Variants in TRPM4 observed in about 807,000 individuals in gnomAD.
TRPM4 encodes the protein calcium-activated non-selective cation channel 1.
A neutral mutation model predicts 135.6 loss-of-function variants in TRPM4; 124 were observed. The ratio of observed to expected loss-of-function variants is 0.91; its 90% CI spans 0.79 to 1.06. The LOEUF (loss-of-function observed/expected upper bound fraction) is 1.06. Among genes scored for constraint, TRPM4 ranks in the 50% least tolerant of loss-of-function variants. TRPM4 has a pLI of 0.00. For missense variants in TRPM4, 1,658 were observed against 1,671.4 expected, an observed-to-expected ratio of 0.99 and a Z score of 0.14; for synonymous variants, 745 against 705.6, an observed-to-expected ratio of 1.06 and a Z score of -0.88.
chr19:49,168,254 G>A lies in TRPM4; in HGVS notation c.449-6G>A. 6.2e-7 allele frequency: 1 copy of A among 1,614,132 alleles called. No individual in the cohort carries two copies. Among genetic ancestry groups the A allele is most frequent in the Non-Finnish European group, 8.5e-7 (1 of 1,180,040 alleles). On this transcript the variant is annotated splice_polypyrimidine_tract_variant and splice_region_variant and intron_variant, in intron 4 of 24. Coordinates refer to ENST00000252826, the MANE Select transcript of TRPM4 (RefSeq NM_017636.4). ...TGCCTCTGCATGTTCCTCGGCGTCT[G>A]TGTAGGAGCCTGGATTGTCACTGGG...
chr19:49,199,012 A>T (rs1420963088), intron 17 of TRPM4, among the ~76,000 whole-genome samples: 1 of 151,896 alleles, frequency 6.6e-6, no homozygotes, highest in East Asian at 1.9e-4. Flanking sequence ...AAGTAGCTTC[A>T]CTCATTTCCA....
intron 9 of TRPM4, among the ~76,000 whole-genome samples, chr19:49,175,652 T>G (rs1221269916): frequency 6.7e-6 from 1 of 148,890 alleles, no homozygotes; most frequent in Non-Finnish European, 1.5e-5. Flanking sequence ...TTTTAATTAT[T>G]TCTTTCTTTT....
intron 20 of TRPM4, among the ~76,000 whole-genome samples, chr19:49,202,660 C>T (rs1968978524): frequency 6.6e-6 from 1 of 151,768 alleles, no homozygotes; most frequent in Non-Finnish European, 1.5e-5. Flanking sequence ...GGCAAGTTCT[C>T]AGCTCACTGC....
At chr19:49,168,815 C>A in intron 6 of TRPM4, 79 bp downstream of exon 6, 1 of 1,456,112 alleles carries the variant, frequency 6.9e-7, no homozygotes, top group Non-Finnish European at 9.4e-7. Context: ...GTAGTTTGGT[C>A]TGGTCGAGAT....
intron 9 of TRPM4, among the ~76,000 whole-genome samples, chr19:49,172,446 C>A (rs1431807848): frequency 6.6e-6 from 1 of 152,192 alleles, no homozygotes. Context: ...ACCTGTCCAT[C>A]CACACATCCA....
chr19:49,198,646 C>T (rs75955495), intron 17 of TRPM4, among the ~76,000 whole-genome samples: 1 of 72,722 alleles, frequency 1.4e-5, no homozygotes, highest in Non-Finnish European at 2.7e-5. Flanking sequence ...AAAACTCTGT[C>T]AAAAAAAAAA....
chr19:49,180,939 A>G (rs1418123188), intron 9 of TRPM4, among the ~76,000 whole-genome samples: 1 of 151,740 alleles, frequency 6.6e-6, no homozygotes, highest in East Asian at 1.9e-4. Flanking sequence ...TCCTAATCAT[A>G]TTATATGCCT....
At chr19:49,190,581 C>T in intron 15 of TRPM4, 115 bp from the exon 16 acceptor site, 1 of 1,130,050 alleles carries the variant, frequency 8.8e-7, no homozygotes, top group Non-Finnish European at 1.3e-6. Context: ...CTTTAGGAGA[C>T]CACCTCTCTG....
chr19:49,211,398 C>G lies in TRPM4; in HGVS notation c.3641-96C>G, dbSNP rs367863218. On this transcript the variant is annotated intron_variant, in intron 24 of 24. Coordinates refer to ENST00000252826, the MANE Select transcript of TRPM4 (RefSeq NM_017636.4). The surrounding 1 kb of genome is among the most constrained non-coding windows in gnomAD (Gnocchi z 4.8). Reference sequence around the variant, plus strand: ...GTCTCCTTTGAGCCTTTTGTACTCTCGCCTTCGTCTTTCTTCTTTTTTGCC... The same window carrying G: ...GTCTCCTTTGAGCCTTTTGTACTCTGGCCTTCGTCTTTCTTCTTTTTTGCC... 1.3e-6 allele frequency: 2 copies of G among 1,599,814 alleles called. No homozygotes were observed. Among genetic ancestry groups the G allele is most frequent in the Non-Finnish European group, 1.7e-6 (2 of 1,170,284 alleles).
intron 3 of TRPM4, 90 bp downstream of exon 3, chr19:49,166,305 C>T (rs1401156789): frequency 1.5e-6 from 2 of 1,355,712 alleles, no homozygotes. Context: ...GCCCTGAACC[C>T]TGGCCCCTCC....
chr19:49,205,128 A>G (rs1474074843), intron 20 of TRPM4, among the ~76,000 whole-genome samples: 2 of 151,236 alleles, frequency 1.3e-5, no homozygotes, highest in Non-Finnish European at 2.9e-5. Context: ...GACCTATTGT[A>G]TTAGTTTCCT....
At chr19:49,176,172 C>T (rs543597355) in intron 9 of TRPM4, among the ~76,000 whole-genome samples, 1 of 151,978 alleles carries the variant, frequency 6.6e-6, no homozygotes, top group African/African-American at 2.4e-5. Context: ...GATCCACCCG[C>T]CTCGGCCTCC....
chr19:49,186,140 C>T (rs189188005), intron 12 of TRPM4, among the ~76,000 whole-genome samples: 1 of 152,292 alleles, frequency 6.6e-6, no homozygotes, highest in East Asian at 1.9e-4. Flanking sequence ...GCTTAGTGGT[C>T]TGCTGGTGAC....
In TRPM4 at chr19:49,171,921, G is replaced by A; in HGVS notation, c.1051-88G>A. The A allele has an allele frequency of 7.3e-7, 1 of 1,374,892 alleles. No homozygotes were observed. Among genetic ancestry groups the A allele is most frequent in the Non-Finnish European group, 1.0e-6 (1 of 964,300 alleles). 85.2% of individuals were successfully genotyped at this position (1,374,892 alleles called of 1,614,324 possible). ...CATATAGACTATTAGGTCCTGGAGG[G>A]GAATGGCCTCCTCCATCCCTTTGGA... On this transcript the variant is annotated intron_variant, in intron 8 of 24. Coordinates refer to ENST00000252826, the MANE Select transcript of TRPM4 (RefSeq NM_017636.4). The surrounding 1 kb of genome is among the most constrained non-coding windows in gnomAD (Gnocchi z 4.7).
chr19:49,166,310 C>G, intron 3 of TRPM4, 95 bp downstream of exon 3: 1 of 1,314,188 alleles, frequency 7.6e-7, no homozygotes, highest in South Asian at 1.5e-5. Context: ...GAACCCTGGC[C>G]CCTCCGCCCA....
rs1279838209 is a variant in TRPM4 at position 49,166,735 on chromosome 19, CGTCTCTCTGGGTCTCTGTCTCT to C, written c.267+554_267+575del. On this transcript the variant is annotated intron_variant, in intron 3 of 24. Coordinates refer to ENST00000252826, the MANE Select transcript of TRPM4 (RefSeq NM_017636.4). ...CCGCTTTTCTCTGTGTCTCTGTCCC[CGTCTCTCTGGGTCTCTGTCTCT>C]GTCTCTCTGGGTCTCTGTCTCTGTC... Among the ~76,000 whole-genome samples the C allele has an allele frequency of 1.9e-3, 250 of 130,512 alleles. 2 individuals carry two copies. The East Asian group carries it at 0.025, about 13-fold the overall frequency. 85.6% of individuals were successfully genotyped at this position (130,512 alleles called of 152,430 possible). A position where few individuals can be genotyped will look rare whatever the true frequency, so the allele number is the denominator to read the frequency against.
Position 49,200,351 on chromosome 19 carries a change from C to A in TRPM4, c.2697C>A (p.Phe899Leu), listed in dbSNP as rs773567484. The A allele has an allele frequency of 6.2e-7, 1 of 1,614,116 alleles. No individual in the cohort carries two copies. Among genetic ancestry groups the A allele is most frequent in the Non-Finnish European group, 8.5e-7 (1 of 1,180,036 alleles). The part of the protein sequence containing the change: ...HLGRTVLCID[F>L]MVFTVRLLHI... ...GCCGCACTGTCCTCTGCATCGACTT[C>A]ATGGTTTTCACGGTGCGGCTGCTTC... The change falls in exon 18 of 25, where the codon TTC becomes TTA. Residue 899 changes from phenylalanine to leucine, a missense_variant. By Grantham distance (22) the Phe-to-Leu change is conservative. Around this residue, in one of 3 missense-constraint regions of TRPM4, gnomAD observed 1,412 missense variants for 1,408.7 expected, o/e 1.00. Coordinates refer to ENST00000252826, the MANE Select transcript of TRPM4 (RefSeq NM_017636.4).
chr19:49,201,843 G>A (rs1040918831), intron 19 of TRPM4, 121 bp from the exon 20 acceptor site: 10 of 1,006,178 alleles, frequency 9.9e-6, no homozygotes, highest in East Asian at 2.4e-5. Context: ...CAGGTGATCC[G>A]GCCATCTCAG....
intron 17 of TRPM4, among the ~76,000 whole-genome samples, chr19:49,198,521 G>A (rs1968783397): frequency 6.6e-6 from 1 of 151,754 alleles, no homozygotes; most frequent in South Asian, 2.1e-4. Context: ...GGTGGCAGGC[G>A]CCTGTAATCC....
Sources: gnomAD v4.1 joint callset for allele counts (sites outside exome capture counted in the v4.1 genomes callset) on GRCh38, gnomAD v4.1.1 for gene constraint, gnomAD v4.1.1 regional missense constraint, Gnocchi (gnomAD v3.1) non-coding constraint, MANE v1.5 for transcripts, NCBI Gene and HGNC (gene_info 2026-07-23, HGNC 2026-07-21) for gene names.